The following OSBP2 variants were observed in gnomAD, a reference collection of about 807,000 sequenced individuals.
OSBP2 encodes the protein oxysterol-binding protein 2.
Under a neutral mutation model 96.0 loss-of-function variants are expected in OSBP2, and 66 were observed. The ratio of observed to expected loss-of-function variants is 0.69; its 90% CI spans 0.56 to 0.84. The LOEUF is 0.84. OSBP2 is among the 40% of genes least tolerant of loss of function. OSBP2 has a pLI of 0.00. For synonymous variants in OSBP2, 525 were observed against 520.9 expected (o/e 1.01, Z -0.11); for missense variants, 1,038 against 1,222.7 (o/e 0.85, Z 2.25).
At chr22:30,720,128 A>G (rs370227685) in intron 1 of OSBP2, among the ~76,000 whole-genome samples, 1 of 152,156 alleles carries the variant, frequency 6.6e-6, no homozygotes, top group Non-Finnish European at 1.5e-5. Flanking sequence ...TCCCTTCCAC[A>G]TGGATGTACT....
At chr22:30,876,548 G>C (rs1384960760) in intron 3 of OSBP2, among the ~76,000 whole-genome samples, 1 of 152,228 alleles carries the variant, frequency 6.6e-6, no homozygotes, top group Non-Finnish European at 1.5e-5. Context: ...ATCTCTGGTG[G>C]GCCCAGCAGC....
At chr22:30,786,923 C>G (rs1011868481) in intron 2 of OSBP2, among the ~76,000 whole-genome samples, 2 of 152,140 alleles carry the variant, frequency 1.3e-5, no homozygotes, top group Admixed American at 1.3e-4. Flanking sequence ...CTCAGCCTCC[C>G]AAGTATCTGG....
At chr22:30,820,716 G>C (rs555746993) in intron 2 of OSBP2, among the ~76,000 whole-genome samples, 21 of 152,310 alleles carry the variant, frequency 1.4e-4, no homozygotes, top group African/African-American at 5.1e-4. Flanking sequence ...CATGCAGCCT[G>C]GTGTTCTCAA....
At chr22:30,734,309 G>A (rs2089820976) in intron 1 of OSBP2, among the ~76,000 whole-genome samples, 1 of 152,156 alleles carries the variant, frequency 6.6e-6, no homozygotes, top group South Asian at 2.1e-4. Flanking sequence ...AAACTGGGAG[G>A]CCTTAGATCA....
intron 2 of OSBP2, among the ~76,000 whole-genome samples, chr22:30,771,752 C>T (rs189960471): frequency 6.6e-6 from 1 of 152,338 alleles, no homozygotes; most frequent in East Asian, 1.9e-4. Flanking sequence ...TCCAGAGCTT[C>T]CACCTGAATC....
In OSBP2 at chr22:30,870,421, T is replaced by C. The variant is rs779206630; in HGVS notation, c.854-8T>C. ...TAATGACCGTAACAACTCTATTTTC[T>C]TCCACAGATGACTCTGGGGACGACG... is the stretch of plus-strand genomic sequence containing the variant. On this transcript the variant is annotated splice_region_variant and splice_polypyrimidine_tract_variant and intron_variant, in intron 2 of 13. Transcript: ENST00000332585. The surrounding 1 kb of genome is among the most constrained non-coding windows in gnomAD (Gnocchi z 4.1). 6 of 1,613,496 alleles carry C rather than the reference T, an allele frequency of 3.7e-6. No individual in the cohort carries two copies. Among genetic ancestry groups the C allele is most frequent in the Admixed American group, 1.7e-5 (1 of 60,016 alleles).
Position 30,886,316 on chromosome 22 carries a change from GGTTGA to G in OSBP2, c.1108-1105_1108-1101del, listed in dbSNP as rs199724385. On this transcript the variant is annotated intron_variant, in intron 3 of 13. Transcript: ENST00000332585. The stretch of plus-strand genomic sequence containing the variant: ...TTTAAACATTTTCTGGTTGGCACTT[GGTTGA>G]GTTGTCTAAAGACCTGGGATCAATA... 7.8e-3 allele frequency among the ~76,000 whole-genome samples: 1,189 copies of G among 152,322 alleles called. 7 individuals carry two copies. The highest frequency in any genetic ancestry group is 0.029 in the South Asian group (142 of 4,816).
intron 2 of OSBP2, among the ~76,000 whole-genome samples, chr22:30,781,069 G>A (rs1309540062): frequency 4.0e-5 from 6 of 151,494 alleles, no homozygotes; most frequent in Admixed American, 6.6e-5. Flanking sequence ...TTCACCTCCC[G>A]GGTTCAAGCA....
chr22:30,739,480 T>G (rs939603900), intron 1 of OSBP2, among the ~76,000 whole-genome samples: 67 of 152,102 alleles, frequency 4.4e-4, no homozygotes, highest in African/African-American at 1.6e-3. Flanking sequence ...TAGTTCTTTT[T>G]TTTGTTTGTT....
intron 2 of OSBP2, among the ~76,000 whole-genome samples, chr22:30,857,607 T>G (rs1390422411): frequency 6.6e-6 from 1 of 152,260 alleles, no homozygotes; most frequent in African/African-American, 2.4e-5. Flanking sequence ...CAAGTAATAA[T>G]GGCCAATGCT....
chr22:30,902,376 A>T, intron 12 of OSBP2: 1 of 1,576,632 alleles, frequency 6.3e-7, no homozygotes, highest in Non-Finnish European at 8.7e-7. Flanking sequence ...GATGAAGTGG[A>T]TTCCCTTAAG....
intron 2 of OSBP2, among the ~76,000 whole-genome samples, chr22:30,843,930 G>A (rs1280887562): frequency 2.0e-5 from 3 of 151,218 alleles, no homozygotes; most frequent in African/African-American, 7.3e-5. Context: ...CCGGAGTGCA[G>A]TGGAGGGATC....
intron 2 of OSBP2, among the ~76,000 whole-genome samples, chr22:30,857,369 G>A (rs2039100490): frequency 6.6e-6 from 1 of 152,194 alleles, no homozygotes; most frequent in Non-Finnish European, 1.5e-5. Context: ...GGGCACCTGT[G>A]TGAAGTTACA....
Position 30,843,447 on chromosome 22 carries a change from C to CG in OSBP2, c.854-26982_854-26981insG, listed in dbSNP as rs200705185. 1.9e-4 allele frequency among the ~76,000 whole-genome samples: 22 copies of CG among 117,900 alleles called. No individual in the cohort carries two copies. In the East Asian group the frequency reaches 3.3e-3, roughly 17 times the overall value. 77.3% of individuals were successfully genotyped at this position (117,900 alleles called of 152,430 possible). On this transcript the variant is annotated intron_variant, in intron 2 of 13. Transcript: ENST00000332585. ...ACAGTACGTTTTCAGGAATCTTTCC[C>CG]CCCTCCCCCTTGAGCAATAGGTCCT...
chr22:30,846,494 T>C (rs1173631918), intron 2 of OSBP2, among the ~76,000 whole-genome samples: 1 of 152,124 alleles, frequency 6.6e-6, no homozygotes, highest in Non-Finnish European at 1.5e-5. Context: ...GTTCCAATTT[T>C]CCCACATCCT....
intron 2 of OSBP2, among the ~76,000 whole-genome samples, chr22:30,764,925 C>T (rs1202720782): frequency 6.6e-6 from 1 of 152,140 alleles, no homozygotes; most frequent in Non-Finnish European, 1.5e-5. Flanking sequence ...TTCTCTCTTA[C>T]TTTGAGGGAC....
intron 2 of OSBP2, among the ~76,000 whole-genome samples, chr22:30,822,104 G>A (rs1271328835): frequency 1.3e-5 from 2 of 152,188 alleles, no homozygotes; most frequent in Admixed American, 6.5e-5. Context: ...CACCAGCCAC[G>A]GCAGCGGGGT....
intron 12 of OSBP2, among the ~76,000 whole-genome samples, chr22:30,905,523 A>AT (rs2040312075): frequency 6.6e-6 from 1 of 152,160 alleles, no homozygotes; most frequent in African/African-American, 2.4e-5. Context: ...AGAAAAAAAA[A>AT]CATAATAGAA....
intron 2 of OSBP2, among the ~76,000 whole-genome samples, chr22:30,869,960 G>T (rs2039424320): frequency 3.3e-5 from 5 of 152,222 alleles, no homozygotes; most frequent in Admixed American, 3.3e-4. Flanking sequence ...AGCAAAGTGA[G>T]GTTGACTGGA....
Sources: allele counts gnomAD v4.1 joint callset (sites outside exome capture counted in the v4.1 genomes callset), GRCh38; gene constraint gnomAD v4.1.1; non-coding constraint Gnocchi (gnomAD v3.1); transcripts MANE v1.5; gene names NCBI Gene and HGNC (gene_info 2026-07-23, HGNC 2026-07-21).